The following CBLB variants were observed in gnomAD, a reference collection of about 807,000 sequenced individuals.
CBLB encodes Cbl proto-oncogene B, also known as E3 ubiquitin-protein ligase CBL-B.
Under a neutral mutation model 104.9 loss-of-function variants are expected in CBLB, and 31 were observed. The ratio of observed to expected loss-of-function variants is 0.30; its 90% CI spans 0.22 to 0.40. The LOEUF is 0.40. Among genes scored for constraint, CBLB ranks in the 10% least tolerant of loss-of-function variants. The probability of loss-of-function intolerance (pLI) is 1.00; values close to 1 mark genes in which losing one functional copy is unlikely to be tolerated. For synonymous variants in CBLB, 440 were observed against 422.6 expected, an observed-to-expected ratio of 1.04 and a Z score of -0.51; for missense variants, 1,062 against 1,214.6, an observed-to-expected ratio of 0.87 and a Z score of 1.87.
intron 13 of CBLB, among the ~76,000 whole-genome samples, chr3:105,687,902 T>C (rs2067207429): frequency 6.6e-6 from 1 of 151,792 alleles, no homozygotes; most frequent in South Asian, 2.1e-4. Context: ...AATAGCAAAA[T>C]AAAAAACTAG....
chr3:105,684,634 C>T (rs2066773611), intron 14 of CBLB, among the ~76,000 whole-genome samples: 2 of 151,896 alleles, frequency 1.3e-5, no homozygotes, highest in African/African-American at 4.8e-5. Context: ...CTCACTGCAA[C>T]CTCCGCCTCC....
intron 10 of CBLB, among the ~76,000 whole-genome samples, chr3:105,716,283 A>G (rs552041146): frequency 1.3e-5 from 2 of 152,268 alleles, no homozygotes; most frequent in East Asian, 3.9e-4. Flanking sequence ...GGTTGGAACA[A>G]AGTTTAAAAT....
chr3:105,724,596 A>G (rs1436764639), intron 9 of CBLB, among the ~76,000 whole-genome samples: 1 of 152,180 alleles, frequency 6.6e-6, no homozygotes, highest in Non-Finnish European at 1.5e-5. Context: ...AATAGTCTCA[A>G]GAATAAATAT....
At chr3:105,859,247 CCTATA>C (rs1294579350) in intron 2 of CBLB, among the ~76,000 whole-genome samples, 1 of 152,136 alleles carries the variant, frequency 6.6e-6, no homozygotes, top group Non-Finnish European at 1.5e-5. Context: ...AGGAATTGTG[CCTATA>C]CTATAAGACT....
intron 3 of CBLB, among the ~76,000 whole-genome samples, chr3:105,818,292 C>A (rs1327912765): frequency 6.6e-6 from 1 of 152,106 alleles, no homozygotes; most frequent in Non-Finnish European, 1.5e-5. Flanking sequence ...GGCTCATCAT[C>A]ATTACCAATT....
intron 3 of CBLB, among the ~76,000 whole-genome samples, chr3:105,798,410 C>CTTA (rs2082476608): frequency 1.3e-5 from 2 of 152,172 alleles, no homozygotes; most frequent in Admixed American, 1.3e-4. Flanking sequence ...CCAGCAATAA[C>CTTA]TTATTTCCTT....
intron 10 of CBLB, among the ~76,000 whole-genome samples, chr3:105,706,837 C>T (rs1157859838): frequency 6.6e-6 from 1 of 152,084 alleles, no homozygotes; most frequent in East Asian, 1.9e-4. Context: ...TGCAAAAACA[C>T]TTTTCAGGGC....
intron 3 of CBLB, among the ~76,000 whole-genome samples, chr3:105,811,380 T>G (rs1004442693): frequency 3.3e-5 from 5 of 152,198 alleles, no homozygotes; most frequent in Admixed American, 1.3e-4. Context: ...ATATAGAGTT[T>G]AAAAACCAAT....
rs528541034 is a variant in CBLB at position 105,718,568 on chromosome 3, C to T, written c.1407+1479G>A. Among the ~76,000 whole-genome samples the T allele has an allele frequency of 2.0e-5, 3 of 152,132 alleles. No homozygotes were observed. In the South Asian group the frequency reaches 6.2e-4, roughly 32 times the overall value. On this transcript the variant is annotated intron_variant, in intron 10 of 18. Transcript: ENST00000394030. ...TCCTTCCTACAGAGATAGATGAATA[C>T]GGTGAATACAATCTGATGCCATTAC...
At chr3:105,828,458 A>G (rs556923558) in intron 3 of CBLB, among the ~76,000 whole-genome samples, 118 of 152,338 alleles carry the variant, frequency 7.7e-4, no homozygotes, top group African/African-American at 2.6e-3. Context: ...GGACTAAACT[A>G]AGTTAGAATA....
intron 3 of CBLB, among the ~76,000 whole-genome samples, chr3:105,831,335 G>A (rs2087483662): frequency 2.0e-5 from 3 of 152,138 alleles, no homozygotes; most frequent in Admixed American, 2.0e-4. Flanking sequence ...ATTAGCTTGG[G>A]GAATAGCTCA....
intron 4 of CBLB, among the ~76,000 whole-genome samples, chr3:105,775,421 T>A (rs991925401): frequency 6.6e-6 from 1 of 152,118 alleles, no homozygotes; most frequent in African/African-American, 2.4e-5. Context: ...GTTCAACATA[T>A]CAAAGTACTA....
rs552358519 is a variant in CBLB, at chr3:105,868,913, G to A, written c.-192C>T. ...GAGACGTGGAAACGCAACAATTACCGTCAAGACAAATCCACACCCGCTCTC... is the reference window on the plus strand; with the variant it reads ...GAGACGTGGAAACGCAACAATTACCATCAAGACAAATCCACACCCGCTCTC... On this transcript the variant is annotated 5_prime_UTR_variant, in exon 1 of 19. In the 5' UTR this introduces an upstream ATG that the reference lacks. Transcript: ENST00000394030. The A allele has an allele frequency of 1.4e-5, 14 of 1,010,286 alleles. No individual in the cohort carries two copies. Among genetic ancestry groups the A allele is most frequent in the East Asian group, 2.3e-4 (2 of 8,874 alleles). 62.6% of individuals were successfully genotyped at this position (1,010,286 alleles called of 1,614,324 possible).
intron 4 of CBLB, among the ~76,000 whole-genome samples, chr3:105,775,556 C>A (rs966054633): frequency 1.3e-5 from 2 of 152,104 alleles, no homozygotes; most frequent in Non-Finnish European, 2.9e-5. Context: ...ACTTACTCAG[C>A]CAGGGCTTTG....
At chr3:105,838,066 T>C (rs894888284) in intron 3 of CBLB, among the ~76,000 whole-genome samples, 50 of 130,038 alleles carry the variant, frequency 3.8e-4, no homozygotes, top group Admixed American at 1.3e-3. Flanking sequence ...CCTATTACCT[T>C]TTTTTTTCCT....
chr3:105,686,936 T>C (rs1014756369), intron 13 of CBLB, among the ~76,000 whole-genome samples: 3 of 152,062 alleles, frequency 2.0e-5, no homozygotes, highest in African/African-American at 4.8e-5. Context: ...TGGTTTAACT[T>C]TGGAGGATTT....
intron 3 of CBLB, among the ~76,000 whole-genome samples, chr3:105,803,507 T>G (rs2083141568): frequency 6.6e-6 from 1 of 152,158 alleles, no homozygotes; most frequent in Non-Finnish European, 1.5e-5. Context: ...AAAAGAAGCC[T>G]AACTCAAAGC....
chr3:105,701,764 A>C (rs201730578), intron 12 of CBLB, among the ~76,000 whole-genome samples: 29 of 13,662 alleles, frequency 2.1e-3, no homozygotes, highest in Non-Finnish European at 6.0e-3. Flanking sequence ...GCTTCGTCTC[A>C]AAAAAAAAAA....
chr3:105,749,200 T>C (rs567440453), intron 5 of CBLB, among the ~76,000 whole-genome samples: 1 of 152,334 alleles, frequency 6.6e-6, no homozygotes, highest in Non-Finnish European at 1.5e-5. Flanking sequence ...TCAAAGCATT[T>C]GATTACAGCA....
Sources: gnomAD v4.1 joint callset for allele counts (sites outside exome capture counted in the v4.1 genomes callset) on GRCh38, gnomAD v4.1.1 for gene constraint, MANE v1.5 for transcripts, NCBI Gene and HGNC (gene_info 2026-07-23, HGNC 2026-07-21) for gene names.